The following PAEP variants were observed in gnomAD, a reference collection of about 807,000 sequenced individuals.
PAEP encodes the protein progestagen associated endometrial protein.
A neutral mutation model predicts 23.0 loss-of-function variants in PAEP; 28 were observed. The ratio of observed to expected loss-of-function variants is 1.22; its 90% CI spans 0.90 to 1.67. The LOEUF (loss-of-function observed/expected upper bound fraction) is 1.67, where lower values mean the gene tolerates loss of function less well. PAEP is among the 40% of genes most tolerant of loss of function. PAEP has a pLI of 0.00. For synonymous variants in PAEP, 103 were observed against 92.4 expected, an observed-to-expected ratio of 1.12 and a Z score of -0.66; for missense variants, 209 against 226.4, an observed-to-expected ratio of 0.92 and a Z score of 0.49.
intron 3 of PAEP, 47 bp from the exon 4 acceptor site, chr9:135,564,197 G>A: frequency 6.5e-7 from 1 of 1,549,610 alleles, no homozygotes; most frequent in South Asian, 1.2e-5. Context: ...GGACTCTGCT[G>A]AGACGGAGGC....
At chr9:135,565,565 CT>C (rs1667491409) in intron 5 of PAEP, 51 bp downstream of exon 5, 1 of 1,542,070 alleles carries the variant, frequency 6.5e-7, no homozygotes, top group Admixed American at 1.7e-5. Context: ...GAAGCTGCCT[CT>C]TTCTTAGCCC....
At chr9:135,563,852 GCCCTCC>G (rs1832452646) in intron 3 of PAEP, among the ~76,000 whole-genome samples, 1 of 151,960 alleles carries the variant, frequency 6.6e-6, no homozygotes, top group African/African-American at 2.4e-5. Context: ...GACCCTGCTT[GCCCTCC>G]CCAGAATCGA....
chr9:135,565,987 C>A (rs1211564046), intron 6 of PAEP, among the ~76,000 whole-genome samples, 186 bp downstream of exon 6: 1 of 152,192 alleles, frequency 6.6e-6, no homozygotes, highest in African/African-American at 2.4e-5. Context: ...ATTCACGAGC[C>A]CAGCCTGTGT....
intron 2 of PAEP, 76 bp from the exon 3 acceptor site, chr9:135,562,743 GT>G: frequency 1.6e-6 from 2 of 1,242,246 alleles, no homozygotes; most frequent in Non-Finnish European, 2.3e-6. Flanking sequence ...AGTTCCCGTG[GT>G]GACCTGATTT....
chr9:135,565,577 G>C (rs531806388), intron 5 of PAEP, 63 bp downstream of exon 5: 37 of 1,504,092 alleles, frequency 2.5e-5, no homozygotes, highest in African/African-American at 1.1e-4. Context: ...TTCTTAGCCC[G>C]AGCCCCCTGC....
At position 135,561,781 on chromosome 9, in the gene PAEP, G is replaced by A; in HGVS notation, c.-21G>A. The A allele has an allele frequency of 6.5e-7, 1 of 1,537,776 alleles. No homozygotes were observed. ...AGCATCCCTCTGGCTCCAGAGCTCA[G>A]AGCCACCCACAGCCGCAGCCATGCT... On this transcript the variant is annotated 5_prime_UTR_variant, in exon 1 of 7. Transcript: ENST00000479141.
At chr9:135,565,019 GTTTC>G (rs1475363162) in intron 4 of PAEP, among the ~76,000 whole-genome samples, 1 of 152,216 alleles carries the variant, frequency 6.6e-6, no homozygotes, top group Non-Finnish European at 1.5e-5. Context: ...CCTTCCCCAT[GTTTC>G]TGAGCACAGT....
At position 135,562,442 on chromosome 9, in the gene PAEP, C is replaced by T; in HGVS notation, c.236+9C>T. The T allele has an allele frequency of 6.2e-7, 1 of 1,612,990 alleles. No individual in the cohort carries two copies. Among genetic ancestry groups the T allele is most frequent in the Non-Finnish European group, 8.5e-7 (1 of 1,179,390 alleles). ...ATCGTTCTGCACAGATGGTGGGTTT[C>T]TCATCATTGAGACGGGCTGGGCGGG... is the stretch of plus-strand genomic sequence containing the variant. On this transcript the variant is annotated intron_variant, in intron 2 of 6. Transcript: ENST00000479141.
rs759830449 is a variant in PAEP, at chr9:135,562,250, G to A, written c.97-44G>A. The A allele has an allele frequency of 3.6e-5, 58 of 1,601,804 alleles. 1 individual carries two copies. Among genetic ancestry groups the A allele is most frequent in the Admixed American group, 1.0e-4 (6 of 59,054 alleles). ...CCCGTCTGCACCGGGTGCAACGAGA[G>A]CCATGGTGGGGTGGGACCGCCGTGC... On this transcript the variant is annotated intron_variant, in intron 1 of 6. Transcript: ENST00000479141.
At position 135,565,782 on chromosome 9, in the gene PAEP, C is replaced by G; in HGVS notation, c.527-3C>G. On this transcript the variant is annotated splice_region_variant and splice_polypyrimidine_tract_variant and intron_variant, in intron 5 of 6. Transcript: ENST00000479141. Reference sequence around the variant, plus strand: ...ACCTCCACTGTCCCATCTCCTCCCACAGAGCCGTGCCGTTTCTAGGTGAGC... The same window carrying G: ...ACCTCCACTGTCCCATCTCCTCCCAGAGAGCCGTGCCGTTTCTAGGTGAGC... 1.2e-6 allele frequency: 2 copies of G among 1,614,180 alleles called. No homozygotes were observed. The highest frequency in any genetic ancestry group is 1.7e-6 in the Non-Finnish European group (2 of 1,180,020).
At chr9:135,564,546 C>A in intron 4 of PAEP, 192 bp downstream of exon 4, 2 of 923,302 alleles carry the variant, frequency 2.2e-6, no homozygotes, top group Non-Finnish European at 2.6e-6. Context: ...TTCTGTCACT[C>A]AGGCTGGAGT....
chr9:135,565,131 A>T (rs909478836), intron 4 of PAEP, among the ~76,000 whole-genome samples: 1 of 152,190 alleles, frequency 6.6e-6, no homozygotes, highest in Non-Finnish European at 1.5e-5. Context: ...CTCTCCTGTG[A>T]CGCTGTAGAC....
chr9:135,562,374 C>T lies in PAEP; in HGVS notation c.177C>T (p.Val59=), dbSNP rs377751143. ...CGACACTGAAGGCCCCTCTGAGGGT[C>T]CACATCACCTCACTGTTGCCCACCC... is the stretch of plus-strand genomic sequence containing the variant. The part of the protein sequence containing the change: ...LMATLKAPLR[V]HITSLLPTPE... Residue 59 remains valine (V), a synonymous_variant, in exon 2 of 7, where the codon GTC becomes GTT. Transcript: ENST00000479141. 3.1e-6 allele frequency: 5 copies of T among 1,614,138 alleles called. No homozygotes were observed. The Middle Eastern group carries it at 6.6e-4, about 213-fold the overall frequency.
chr9:135,562,165 A>G (rs944628101), intron 1 of PAEP, 129 bp from the exon 2 acceptor site: 1 of 1,072,170 alleles, frequency 9.3e-7, no homozygotes, highest in African/African-American at 1.6e-5. Context: ...ATAGCCCAGG[A>G]TCTGGTAGAT....
In PAEP at chr9:135,565,819, C is replaced by T. The variant is rs373797552; in HGVS notation, c.*18C>T. ...GTTTCTAGGTGAGCTCCTGCCTGGT[C>T]CTGCCTCCTGGGTAATGTATCAGCC... On this transcript the variant is annotated intron_variant, in intron 6 of 6. Coordinates refer to ENST00000479141, the MANE Select transcript of PAEP (RefSeq NM_002571.4). 47 of 1,613,944 alleles carry T rather than the reference C, an allele frequency of 2.9e-5. No homozygotes were observed. The highest frequency in any genetic ancestry group is 4.4e-5 in the South Asian group (4 of 91,086).
intron 3 of PAEP, among the ~76,000 whole-genome samples, chr9:135,563,207 C>A (rs1053110091): frequency 3.3e-5 from 5 of 152,138 alleles, no homozygotes; most frequent in Non-Finnish European, 7.4e-5. Flanking sequence ...AGGCTGCAGG[C>A]GAGCAGGTGG....
At chr9:135,565,542 C>T (rs903044936) in intron 5 of PAEP, 28 bp downstream of exon 5, 23 of 1,581,822 alleles carry the variant, frequency 1.5e-5, no homozygotes, top group African/African-American at 1.2e-4. Flanking sequence ...CACGCCCAGC[C>T]TCAGCTGGAG....
chr9:135,561,888 G>A lies in PAEP; in HGVS notation c.87G>A (p.Glu29=), dbSNP rs1170828016. The A allele has an allele frequency of 5.1e-6, 8 of 1,563,784 alleles. No homozygotes were observed. Among genetic ancestry groups the A allele is most frequent in the Non-Finnish European group, 6.9e-6 (8 of 1,153,388 alleles). Residue 29 remains glutamate, a synonymous_variant, in exon 1 of 7, where the codon GAG becomes GAA. Transcript: ENST00000479141. ...MDIPQTKQDL[E]LPKLAGTWHS... Reference sequence around the variant, plus strand: ...TCCCCCAGACCAAGCAGGACCTGGAGCTCCCAAAGGTTTGAGGCTGGGGGA... The same window carrying A: ...TCCCCCAGACCAAGCAGGACCTGGAACTCCCAAAGGTTTGAGGCTGGGGGA...
Position 135,561,813 on chromosome 9 carries a change from C to A in PAEP, c.12C>A (p.Leu4=), listed in dbSNP as rs1403763573. 2 of 1,553,678 alleles carry A rather than the reference C, an allele frequency of 1.3e-6. No individual in the cohort carries two copies. Among genetic ancestry groups the A allele is most frequent in the Non-Finnish European group, 1.7e-6 (2 of 1,147,804 alleles). The part of the protein sequence containing the change: MLC[L]LLTLGVALVC... ...CCACAGCCGCAGCCATGCTGTGCCTCCTGCTCACCCTGGGCGTGGCCCTGG... is the reference window on the plus strand; with the variant it reads ...CCACAGCCGCAGCCATGCTGTGCCTACTGCTCACCCTGGGCGTGGCCCTGG... Residue 4 remains leucine, a synonymous_variant, in exon 1 of 7, where the codon CTC becomes CTA. Coordinates refer to ENST00000479141, the MANE Select transcript of PAEP (RefSeq NM_002571.4).
Sources: gnomAD v4.1 joint callset for allele counts (sites outside exome capture counted in the v4.1 genomes callset) on GRCh38, gnomAD v4.1.1 for gene constraint, MANE v1.5 for transcripts, NCBI Gene and HGNC (gene_info 2026-07-23, HGNC 2026-07-21) for gene names.